NEK7: variants seen among roughly 807,000 people sequenced by gnomAD.
NEK7 encodes NIMA related kinase 7.
Under a neutral mutation model 44.6 loss-of-function variants are expected in NEK7, and 18 were observed. The observed-to-expected ratio is 0.40, with a 90% CI of 0.28 to 0.60. The LOEUF (loss-of-function observed/expected upper bound fraction) is 0.60, where lower values mean the gene tolerates loss of function less well. Ranked by LOEUF, NEK7 falls within the 20% of genes least tolerant of loss-of-function variation. NEK7 has a pLI of 0.38. For missense variants in NEK7, 256 were observed against 366.5 expected (o/e 0.70, Z 2.46); for synonymous variants, 130 against 121.1 (o/e 1.07, Z -0.48).
chr1:198,229,749 A>G (rs543179253), intron 1 of NEK7, among the ~76,000 whole-genome samples: 13 of 152,294 alleles, frequency 8.5e-5, no homozygotes, highest in Admixed American at 7.2e-4. Context: ...TCAATATGAG[A>G]AATTTATTCA....
chr1:198,286,959 G>A (rs1407220522), intron 7 of NEK7, among the ~76,000 whole-genome samples: 1 of 152,180 alleles, frequency 6.6e-6, no homozygotes, highest in East Asian at 1.9e-4. Flanking sequence ...TGATAATCTA[G>A]GGTAATCTTC....
Position 198,317,887 on chromosome 1 carries a change from T to TTTA in NEK7, c.799-1523_799-1522insATT, listed in dbSNP as rs1553258444. 1.4e-3 allele frequency among the ~76,000 whole-genome samples: 198 copies of TTTA among 144,824 alleles called. 1 individual carries two copies. The highest frequency in any genetic ancestry group is 2.5e-3 in the Admixed American group (36 of 14,606). On this transcript the variant is annotated intron_variant, in intron 9 of 9. Transcript: ENST00000367385. ...TTACTGGATATATTTATTTTTTTTT[T>TTTA]TTTTTTTTTTTTTGGTAACCTGGTA...
intron 9 of NEK7, among the ~76,000 whole-genome samples, chr1:198,310,000 A>G (rs1342014904): frequency 6.6e-6 from 1 of 151,556 alleles, no homozygotes; most frequent in African/African-American, 2.4e-5. Context: ...CTAGTTCTAG[A>G]TCCCTGAGGA....
chr1:198,252,621 GTATATGTATGTTTTATATATTAAAACA>G, intron 2 of NEK7, among the ~76,000 whole-genome samples: 1 of 111,930 alleles, frequency 8.9e-6, no homozygotes, highest in South Asian at 3.0e-4. Context: ...ATTAAAACAT[GTATATGTATGTTTTATATATTAAAACA>G]TATATGTATG....
At chr1:198,157,351 C>G (rs1663924307) in intron 1 of NEK7, 75 bp downstream of exon 1, 1 of 152,210 alleles carries the variant, frequency 6.6e-6, no homozygotes, top group South Asian at 2.1e-4. Flanking sequence ...GGGAGTCGGG[C>G]CGGGAGAGGG....
At chr1:198,182,788 G>GA (rs954323607) in intron 1 of NEK7, among the ~76,000 whole-genome samples, 7 of 151,832 alleles carry the variant, frequency 4.6e-5, no homozygotes, top group East Asian at 1.9e-4. Context: ...CTTATTATGG[G>GA]AAAAAAAACT....
chr1:198,241,328 T>G (rs1666679662), intron 2 of NEK7, among the ~76,000 whole-genome samples: 1 of 152,248 alleles, frequency 6.6e-6, no homozygotes, highest in South Asian at 2.1e-4. Context: ...GTTTTTCTTG[T>G]CACATTCATA....
At chr1:198,208,199 C>T (rs956823049) in intron 1 of NEK7, among the ~76,000 whole-genome samples, 2 of 152,068 alleles carry the variant, frequency 1.3e-5, no homozygotes, top group African/African-American at 4.8e-5. Flanking sequence ...TGCTTGAGTG[C>T]CTGGCTGTTT....
chr1:198,280,394 T>G (rs1019895604), intron 7 of NEK7, among the ~76,000 whole-genome samples: 2 of 152,104 alleles, frequency 1.3e-5, no homozygotes, highest in Non-Finnish European at 2.9e-5. Context: ...CACACACACC[T>G]GCACATGCCC....
At chr1:198,282,648 C>A (rs1344597499) in intron 7 of NEK7, among the ~76,000 whole-genome samples, 2 of 152,184 alleles carry the variant, frequency 1.3e-5, no homozygotes, top group East Asian at 3.9e-4. Context: ...CAAGTGTTTT[C>A]TTAACACTGT....
intron 1 of NEK7, among the ~76,000 whole-genome samples, chr1:198,172,652 A>G (rs1324862135): frequency 6.6e-6 from 1 of 152,182 alleles, no homozygotes; most frequent in Admixed American, 6.5e-5. Flanking sequence ...AGGAATATGA[A>G]AATTGTATAG....
intron 2 of NEK7, among the ~76,000 whole-genome samples, chr1:198,249,937 G>T (rs1237212115): frequency 6.8e-6 from 1 of 147,082 alleles, no homozygotes; most frequent in East Asian, 2.0e-4. Context: ...TGGTGTTTTA[G>T]ACATGAAGTC....
intron 7 of NEK7, among the ~76,000 whole-genome samples, chr1:198,287,917 G>A (rs1183385170): frequency 6.6e-6 from 1 of 152,112 alleles, no homozygotes; most frequent in Non-Finnish European, 1.5e-5. Context: ...TAAATGCATG[G>A]CCATCATTCA....
intron 3 of NEK7, among the ~76,000 whole-genome samples, chr1:198,260,904 G>A (rs1229907979): frequency 4.0e-5 from 6 of 150,108 alleles, no homozygotes. Context: ...CTTTAAGGCA[G>A]TGAGTTTATG....
At chr1:198,223,544 G>T (rs1269423962) in intron 1 of NEK7, among the ~76,000 whole-genome samples, 1 of 152,166 alleles carries the variant, frequency 6.6e-6, no homozygotes, top group Non-Finnish European at 1.5e-5. Context: ...AAGCATTTCT[G>T]CAGTTGTGCA....
rs1354701339 is a variant in NEK7 at position 198,320,907 on chromosome 1, T to G, written c.*1385T>G. ...TGTAGCTTAAGGAAATGGGCAGAAT[T>G]TCGTAAATGCTGTTGTGCAGATGTG... On this transcript the variant is annotated 3_prime_UTR_variant, in exon 10 of 10. Transcript: ENST00000367385. The G allele has an allele frequency of 1.3e-5, 2 of 152,304 alleles. No homozygotes were observed. Among genetic ancestry groups the G allele is most frequent in the Non-Finnish European group, 2.9e-5 (2 of 68,032 alleles). The allele number at this position is 152,304 out of a possible 1,614,324, so 9.4% of individuals were successfully genotyped here. A position where few individuals can be genotyped will look rare whatever the true frequency, so the allele number is the denominator to read the frequency against.
chr1:198,197,359 A>T (rs755179220), intron 1 of NEK7, among the ~76,000 whole-genome samples: 1 of 152,228 alleles, frequency 6.6e-6, no homozygotes, highest in African/African-American at 2.4e-5. Context: ...ATATGATAAG[A>T]TACTGTGAAG....
At chr1:198,241,051 A>G (rs909428430) in intron 2 of NEK7, among the ~76,000 whole-genome samples, 1 of 152,222 alleles carries the variant, frequency 6.6e-6, no homozygotes, top group African/African-American at 2.4e-5. Context: ...CTAAAGAAGA[A>G]GTTTCAGACA....
chr1:198,315,058 CA>C (rs1371224967), intron 9 of NEK7, among the ~76,000 whole-genome samples: 20 of 152,294 alleles, frequency 1.3e-4, no homozygotes, highest in Non-Finnish European at 2.1e-4. Flanking sequence ...AGTTTGATCT[CA>C]AGACTGCTGT....
Sources: allele counts gnomAD v4.1 joint callset (sites outside exome capture counted in the v4.1 genomes callset), GRCh38; gene constraint gnomAD v4.1.1; transcripts MANE v1.5; gene names NCBI Gene and HGNC (gene_info 2026-07-23, HGNC 2026-07-21).